SRSF4: variants seen among roughly 807,000 people sequenced by gnomAD.
SRSF4 encodes the protein serine/arginine-rich splicing factor 4.
Under a neutral mutation model 48.8 loss-of-function variants are expected in SRSF4, and 12 were observed. That is an observed-to-expected ratio of 0.25 (90% CI 0.16 to 0.40). The LOEUF (loss-of-function observed/expected upper bound fraction) is 0.40, where lower values mean the gene tolerates loss of function less well. Among genes scored for constraint, SRSF4 ranks in the 10% least tolerant of loss-of-function variants. The pLI, the probability that SRSF4 is intolerant of heterozygous loss-of-function variation, is 1.00. For synonymous variants in SRSF4, 248 were observed against 232.5 expected, an observed-to-expected ratio of 1.07 and a Z score of -0.61; for missense variants, 466 against 667.1, an observed-to-expected ratio of 0.70 and a Z score of 3.32.
intron 3 of SRSF4, 148 bp downstream of exon 3, chr1:29,159,226 A>T: frequency 1.8e-6 from 1 of 562,920 alleles, no homozygotes; most frequent in Admixed American, 3.3e-5. Context: ...TTTTGTACTC[A>T]TATGGCACTT....
intron 2 of SRSF4, 86 bp downstream of exon 2, chr1:29,160,289 T>A (rs1672573887): frequency 7.0e-7 from 1 of 1,428,792 alleles, no homozygotes; most frequent in East Asian, 2.5e-5. Flanking sequence ...TCAATACGTT[T>A]AAATGTAATA....
At chr1:29,174,762 T>C (rs1350372469) in intron 1 of SRSF4, among the ~76,000 whole-genome samples, 3 of 148,630 alleles carry the variant, frequency 2.0e-5, no homozygotes, top group Non-Finnish European at 4.5e-5. Flanking sequence ...CAACCTCCAC[T>C]TCCTGGGTTC....
rs573972882 is a variant in SRSF4, at chr1:29,148,670, G to A, written c.1225C>T (p.Arg409Cys). Residue 409 changes from arginine to cysteine, a missense_variant, in exon 6 of 6, where the codon CGC becomes TGC. By Grantham distance (180) the Arg-to-Cys change is radical (BLOSUM62 -3). This residue lies in a region of SRSF4 where 402 missense variants were observed against 437.0 expected (regional missense o/e 0.92). Coordinates refer to ENST00000373795, the MANE Select transcript of SRSF4 (RefSeq NM_005626.5). ...TGTTCCCGCTCCTTTGACACGGAGC[G>A]GGATGGAGATCTGGACTGGGAGCGG... ...TDRSQSRSPSRSVSKEREHAK... is the reference protein window; with the variant it reads ...TDRSQSRSPSCSVSKEREHAK... 7 of 1,614,088 alleles carry A rather than the reference G, an allele frequency of 4.3e-6. No homozygotes were observed. The highest frequency in any genetic ancestry group is 1.3e-5 in the African/African-American group (1 of 75,010).
At chr1:29,164,890 A>T (rs1156458315) in intron 1 of SRSF4, among the ~76,000 whole-genome samples, 1 of 152,242 alleles carries the variant, frequency 6.6e-6, no homozygotes, top group African/African-American at 2.4e-5. Context: ...TAGGTTGAGT[A>T]TTCTGAATCC....
At chr1:29,155,810 A>G (rs1035599296) in intron 3 of SRSF4, among the ~76,000 whole-genome samples, 1 of 152,210 alleles carries the variant, frequency 6.6e-6, no homozygotes, top group Non-Finnish European at 1.5e-5. Flanking sequence ...TAAATCTTAT[A>G]GTGACAAATT....
Position 29,148,802 on chromosome 1 carries a change from G to A in SRSF4, c.1093C>T (p.Arg365Cys), listed in dbSNP as rs756803353. 20 of 1,609,792 alleles carry A rather than the reference G, an allele frequency of 1.2e-5. No individual in the cohort carries two copies. Among genetic ancestry groups the A allele is most frequent in the Admixed American group, 3.4e-5 (2 of 59,588 alleles). ...KGRKRSREES[R>C]SRSRSRSKSE... ...TTGCTGCGGCTGCGACTGCGACTGC[G>A]GCTCTCCTCTCTGCTTCTCTTCCTG... The change falls in exon 6 of 6, where the codon CGC becomes TGC. Residue 365 changes from arginine to cysteine, a missense_variant. Arg to Cys is a radical substitution (Grantham distance 180). This residue lies in a region of SRSF4 where 402 missense variants were observed against 437.0 expected (regional missense o/e 0.92). Coordinates refer to ENST00000373795, the MANE Select transcript of SRSF4 (RefSeq NM_005626.5).
At chr1:29,160,692 T>A in intron 1 of SRSF4, 175 bp from the exon 2 acceptor site, 1 of 587,334 alleles carries the variant, frequency 1.7e-6, no homozygotes, top group Non-Finnish European at 2.8e-6. Flanking sequence ...CAACAGGCAC[T>A]GAAAGAGGTA....
At chr1:29,160,655 T>C (rs1192544695) in intron 1 of SRSF4, 138 bp from the exon 2 acceptor site, 1 of 971,242 alleles carries the variant, frequency 1.0e-6, no homozygotes. Context: ...TTGTCTTCTC[T>C]TCAGGTGAAA....
At chr1:29,156,215 G>A (rs911515611) in intron 3 of SRSF4, among the ~76,000 whole-genome samples, 6 of 151,984 alleles carry the variant, frequency 3.9e-5, no homozygotes, top group Non-Finnish European at 8.8e-5. Context: ...TCAACCAGAC[G>A]TGGTGGCAGG....
Position 29,148,808 on chromosome 1 carries a change from CCT to C in SRSF4, c.1085_1086del (p.Glu362GlyfsTer13). On this transcript the variant is annotated frameshift_variant, in exon 6 of 6. Coordinates refer to ENST00000373795, the MANE Select transcript of SRSF4 (RefSeq NM_005626.5). LOFTEE classifies it high-confidence loss of function. ...CGGCTGCGACTGCGACTGCGGCTCT[CCT>C]CTCTGCTTCTCTTCCTGCCCTTCCT... ...DKRKGRKRSR[E>X]ESRSRSRSRS... 1 of 1,609,728 alleles carries C rather than the reference CCT, an allele frequency of 6.2e-7. No individual in the cohort carries two copies. Among genetic ancestry groups the C allele is most frequent in the Non-Finnish European group, 8.5e-7 (1 of 1,177,458 alleles).
At chr1:29,181,496 C>G (rs1672956437) in intron 1 of SRSF4, 150 bp downstream of exon 1, 1 of 612,680 alleles carries the variant, frequency 1.6e-6, no homozygotes, top group South Asian at 2.4e-5. Flanking sequence ...GGGGCCTACC[C>G]GCGCCCCCGA....
At chr1:29,150,043 G>A (rs1348742505) in intron 5 of SRSF4, 60 bp downstream of exon 5, 4 of 1,359,614 alleles carry the variant, frequency 2.9e-6, no homozygotes. Context: ...AGAAAAAAAA[G>A]TGAGACAGGG....
intron 4 of SRSF4, among the ~76,000 whole-genome samples, chr1:29,152,776 AG>A (rs1284792361): frequency 2.0e-5 from 3 of 151,990 alleles, no homozygotes; most frequent in Non-Finnish European, 4.4e-5. Flanking sequence ...AAAATTAGCC[AG>A]GCATGGTGGT....
intron 1 of SRSF4, chr1:29,171,876 A>G (rs971415448): frequency 1.3e-5 from 2 of 152,200 alleles, no homozygotes; most frequent in African/African-American, 4.8e-5. Flanking sequence ...AGTATATTAA[A>G]CTGAAGAACA....
intron 3 of SRSF4, among the ~76,000 whole-genome samples, chr1:29,156,698 T>TTA (rs1292405991): frequency 6.6e-6 from 1 of 152,138 alleles, no homozygotes; most frequent in Non-Finnish European, 1.5e-5. Context: ...TGCCTGAAGG[T>TTA]ACAGACATGT....
chr1:29,174,906 T>G (rs912404641), intron 1 of SRSF4, among the ~76,000 whole-genome samples: 1 of 151,306 alleles, frequency 6.6e-6, no homozygotes, highest in Non-Finnish European at 1.5e-5. Flanking sequence ...TCTCTTGACC[T>G]TGTGATCTGC....
chr1:29,167,162 A>G (rs1294786779), intron 1 of SRSF4, among the ~76,000 whole-genome samples: 1 of 152,210 alleles, frequency 6.6e-6, no homozygotes, highest in Non-Finnish European at 1.5e-5. Context: ...GTGTCAGGAA[A>G]AGTCAGCTAC....
chr1:29,154,999 A>G, intron 3 of SRSF4, 89 bp from the exon 4 acceptor site: 12 of 1,188,708 alleles, frequency 1.0e-5, no homozygotes, highest in Non-Finnish European at 1.3e-5. Context: ...CCTTTAAGAA[A>G]TGCCAGCATT....
Position 29,181,852 on chromosome 1 carries a change from G to A in SRSF4, c.-100C>T. 1 of 1,022,900 alleles carries A rather than the reference G, an allele frequency of 9.8e-7. No homozygotes were observed. The highest frequency in any genetic ancestry group is 1.3e-6 in the Non-Finnish European group (1 of 769,958). 63.4% of individuals were successfully genotyped at this position (1,022,900 alleles called of 1,614,324 possible). On this transcript the variant is annotated 5_prime_UTR_variant, in exon 1 of 6. Transcript: ENST00000373795. The stretch of plus-strand genomic sequence containing the variant: ...GGCAGCGGCGGCGGCGGCAACGGGC[G>A]GGCGGCGGGACGGACGCAGCCGAAC...
Sources: gnomAD v4.1 joint callset for allele counts (sites outside exome capture counted in the v4.1 genomes callset) on GRCh38, gnomAD v4.1.1 for gene constraint, gnomAD v4.1.1 regional missense constraint, MANE v1.5 for transcripts, NCBI Gene and HGNC (gene_info 2026-07-23, HGNC 2026-07-21) for gene names.